FAM228A: variants seen among roughly 807,000 people sequenced by gnomAD.
FAM228A encodes protein FAM228A.
In FAM228A, 13 loss-of-function variants were observed where a neutral mutation model predicts 18.6. The ratio of observed to expected loss-of-function variants is 0.70; its 90% confidence interval spans 0.45 to 1.11. The LOEUF is 1.11. Among genes scored for constraint, FAM228A ranks in the 50% least tolerant of loss-of-function variants. The pLI, the probability that FAM228A is intolerant of heterozygous loss-of-function variation, is 0.00. For synonymous variants in FAM228A, 77 were observed against 86.6 expected (o/e 0.89, Z 0.61); for missense variants, 240 against 242.2 (o/e 0.99, Z 0.06).
rs371349880 is a variant in FAM228A at position 24,191,132 on chromosome 2, C to T, written c.*501C>T. On this transcript the variant is annotated 3_prime_UTR_variant, in exon 6 of 6. Transcript: ENST00000295150. The stretch of plus-strand genomic sequence containing the variant: ...GAGTATGGATTTCTTATCCAGAGCT[C>T]ATGGTTCATTTGACACAGTTTTCAG... 2 of 985,682 alleles carry T rather than the reference C, an allele frequency of 2.0e-6. No individual in the cohort carries two copies. Among genetic ancestry groups the T allele is most frequent in the Non-Finnish European group, 2.4e-6 (2 of 830,116 alleles). The allele number at this position is 985,682 out of a possible 1,614,324, so 61.1% of individuals were successfully genotyped here.
chr2:24,190,102 T>C (rs1302710916), intron 5 of FAM228A, among the ~76,000 whole-genome samples: 1 of 152,172 alleles, frequency 6.6e-6, no homozygotes, highest in Non-Finnish European at 1.5e-5. Context: ...TGCCTGACTT[T>C]CTGGTTTGAG....
At chr2:24,177,372 G>A (rs549095307) in intron 2 of FAM228A, among the ~76,000 whole-genome samples, 8 of 152,160 alleles carry the variant, frequency 5.3e-5, no homozygotes, top group South Asian at 2.1e-4. Flanking sequence ...CCTGGAGGGC[G>A]GAGGTTACAG....
chr2:24,178,141 G>A (rs778993329), intron 3 of FAM228A, among the ~76,000 whole-genome samples: 1 of 152,158 alleles, frequency 6.6e-6, no homozygotes, highest in Non-Finnish European at 1.5e-5. Context: ...TCCTGGTACC[G>A]AATAGAAATT....
chr2:24,185,181 G>A (rs1667918798), intron 5 of FAM228A, among the ~76,000 whole-genome samples: 1 of 152,094 alleles, frequency 6.6e-6, no homozygotes, highest in Admixed American at 6.6e-5. Context: ...ATTGCTTTTT[G>A]TATGTATTTT....
chr2:24,190,402 T>C lies in FAM228A; in HGVS notation c.402-10T>C. ...TGAATCGAGACAATTTTTTCTGCTT[T>C]TCTTCACAGTCCTGAAAAGCTCATC... On this transcript the variant is annotated splice_polypyrimidine_tract_variant and intron_variant, in intron 5 of 5. Transcript: ENST00000295150. The C allele has an allele frequency of 2.5e-6, 4 of 1,585,148 alleles. No individual in the cohort carries two copies. Among genetic ancestry groups the C allele is most frequent in the Non-Finnish European group, 3.4e-6 (4 of 1,169,088 alleles).
At position 24,181,480 on chromosome 2, in the gene FAM228A, G is replaced by A. The variant is rs556975843; in HGVS notation, c.163-1805G>A. On this transcript the variant is annotated intron_variant, in intron 3 of 5. Coordinates refer to ENST00000295150, the MANE Select transcript of FAM228A (RefSeq NM_001040710.3). ...GCTTACTGCAACTTCTGCCTCCGGGGTTCAAGCAGTTCTCCTGCCTTAGCC... is the reference window on the plus strand; with the variant it reads ...GCTTACTGCAACTTCTGCCTCCGGGATTCAAGCAGTTCTCCTGCCTTAGCC... Among the ~76,000 whole-genome samples the A allele has an allele frequency of 2.0e-5, 3 of 152,298 alleles. No homozygotes were observed. The East Asian group carries it at 5.8e-4, about 29-fold the overall frequency.
chr2:24,189,890 G>A lies in FAM228A; in HGVS notation c.402-522G>A, dbSNP rs576341710. 3.9e-5 allele frequency among the ~76,000 whole-genome samples: 6 copies of A among 152,306 alleles called. No individual in the cohort carries two copies. In the South Asian group the frequency reaches 1.2e-3, roughly 32 times the overall value. On this transcript the variant is annotated intron_variant, in intron 5 of 5. Coordinates refer to ENST00000295150, the MANE Select transcript of FAM228A (RefSeq NM_001040710.3). ...TGGTATGTCATGGAAGCCAAGCCAG[G>A]AAGGGAGCCAGGCTGCTCGGGGGAC...
chr2:24,178,322 T>C (rs1333231449), intron 3 of FAM228A, among the ~76,000 whole-genome samples: 2 of 152,152 alleles, frequency 1.3e-5, no homozygotes, highest in African/African-American at 4.8e-5. Context: ...AATAATACTT[T>C]GGGAGGCTGA....
chr2:24,186,323 A>G (rs1333844818), intron 5 of FAM228A, among the ~76,000 whole-genome samples: 3 of 152,164 alleles, frequency 2.0e-5, no homozygotes, highest in Non-Finnish European at 4.4e-5. Context: ...TCTAATAAAG[A>G]GAATTTTATT....
Position 24,190,847 on chromosome 2 carries a change from G to A in FAM228A, c.*216G>A, listed in dbSNP as rs922141705. Reference sequence around the variant, plus strand: ...GGACCCCACTTTCCGGAGACATCCTGTCCTTCCGAGGTGAGGGCCAACCTG... The same window carrying A: ...GGACCCCACTTTCCGGAGACATCCTATCCTTCCGAGGTGAGGGCCAACCTG... On this transcript the variant is annotated 3_prime_UTR_variant, in exon 6 of 6. Coordinates refer to ENST00000295150, the MANE Select transcript of FAM228A (RefSeq NM_001040710.3). 3.2e-6 allele frequency: 4 copies of A among 1,245,806 alleles called. No homozygotes were observed. The African/African-American group carries it at 6.1e-5, about 19-fold the overall frequency. The allele number at this position is 1,245,806 out of a possible 1,614,324, so 77.2% of individuals were successfully genotyped here.
intron 1 of FAM228A, 58 bp downstream of exon 1, chr2:24,175,232 C>T: frequency 2.1e-6 from 1 of 475,080 alleles, no homozygotes; most frequent in Non-Finnish European, 3.8e-6. Context: ...AGGGCTGTGG[C>T]AGGGCCAGGG....
chr2:24,186,356 C>A (rs896887675), intron 5 of FAM228A, among the ~76,000 whole-genome samples: 1 of 152,074 alleles, frequency 6.6e-6, no homozygotes, highest in African/African-American at 2.4e-5. Flanking sequence ...TTCCTTATAC[C>A]TTTTATTTCT....
At chr2:24,188,645 A>C in intron 5 of FAM228A, 2 of 985,432 alleles carry the variant, frequency 2.0e-6, no homozygotes, top group Non-Finnish European at 2.4e-6. Context: ...TTGGTACTTA[A>C]TATTGGTGAC....
intron 5 of FAM228A, among the ~76,000 whole-genome samples, chr2:24,187,352 A>C (rs115869555): frequency 0.021 from 3,184 of 152,294 alleles, 32 homozygotes; most frequent in South Asian, 0.046. Flanking sequence ...GAGTTCTCGT[A>C]CACCTCCTGT....
Position 24,175,537 on chromosome 2 carries a change from A to G in FAM228A, c.57A>G (p.Arg19=), listed in dbSNP as rs1417100315. The change falls in exon 2 of 6, where the codon AGA becomes AGG. Residue 19 remains arginine (R), a synonymous_variant. Transcript: ENST00000295150. The stretch of plus-strand genomic sequence containing the variant: ...AACATTTCAGGCCAGAAAAGTTAAG[A>G]GAATGGCCGGAGCCCGAGTCCGTTT... ...YDEHFRPEKL[R]EWPEPESVSL... 1.2e-6 allele frequency: 2 copies of G among 1,614,202 alleles called. No individual in the cohort carries two copies. Among genetic ancestry groups the G allele is most frequent in the East Asian group, 2.2e-5 (1 of 44,888 alleles).
chr2:24,175,909 T>C (rs973908279), intron 2 of FAM228A: 1 of 1,074,858 alleles, frequency 9.3e-7, no homozygotes, highest in African/African-American at 1.7e-5. Context: ...TTTCATTATT[T>C]TGTGTCATCC....
Position 24,190,863 on chromosome 2 carries a change from G to T in FAM228A, c.*232G>T. On this transcript the variant is annotated 3_prime_UTR_variant, in exon 6 of 6. Coordinates refer to ENST00000295150, the MANE Select transcript of FAM228A (RefSeq NM_001040710.3). ...AGACATCCTGTCCTTCCGAGGTGAG[G>T]GCCAACCTGGCCACAGGGGCTTTTC... 1 of 1,219,192 alleles carries T rather than the reference G, an allele frequency of 8.2e-7. No individual in the cohort carries two copies. The highest frequency in any genetic ancestry group is 3.5e-5 in the South Asian group (1 of 28,502). 75.5% of individuals were successfully genotyped at this position (1,219,192 alleles called of 1,614,324 possible). A position where few individuals can be genotyped will look rare whatever the true frequency, so the allele number is the denominator to read the frequency against.
chr2:24,188,652 T>G, intron 5 of FAM228A: 1 of 985,382 alleles, frequency 1.0e-6, no homozygotes, highest in Non-Finnish European at 1.2e-6. Flanking sequence ...TTAATATTGG[T>G]GACCTGGTAC....
intron 5 of FAM228A, among the ~76,000 whole-genome samples, chr2:24,184,022 A>G (rs1450992544): frequency 1.3e-5 from 2 of 152,214 alleles, no homozygotes; most frequent in Admixed American, 6.5e-5. Flanking sequence ...TGAATTTCAT[A>G]TAAACAGAAC....
Sources: gnomAD v4.1 joint callset for allele counts (sites outside exome capture counted in the v4.1 genomes callset) on GRCh38, gnomAD v4.1.1 for gene constraint, MANE v1.5 for transcripts, NCBI Gene and HGNC (gene_info 2026-07-23, HGNC 2026-07-21) for gene names.